FAM107A: variants seen among roughly 807,000 people sequenced by gnomAD.
FAM107A encodes the protein family with sequence similarity 107 member A, also known as actin-associated protein FAM107A.
Under a neutral mutation model 13.7 loss-of-function variants are expected in FAM107A, and 19 were observed. That is an observed-to-expected ratio of 1.38 (90% CI 0.97 to 2.03). The LOEUF is 2.03. FAM107A is among the 30% of genes most tolerant of loss of function. The pLI, the probability that FAM107A is intolerant of heterozygous loss-of-function variation, is 0.00. For missense variants in FAM107A, 203 were observed against 184.4 expected (o/e 1.10, Z -0.58); for synonymous variants, 82 against 74.5 (o/e 1.10, Z -0.52).
intron 1 of FAM107A, chr3:58,574,368 G>C (rs952170920): frequency 6.6e-6 from 1 of 152,180 alleles, no homozygotes; most frequent in Non-Finnish European, 1.5e-5. Context: ...ATTTTTAAAA[G>C]CTCCCTAGGT....
At chr3:58,571,810 C>T (rs1297380433) in intron 1 of FAM107A, among the ~76,000 whole-genome samples, 1 of 152,222 alleles carries the variant, frequency 6.6e-6, no homozygotes, top group Non-Finnish European at 1.5e-5. Flanking sequence ...TCATGCCACA[C>T]TTTAATAACT....
chr3:58,570,325 C>A (rs2063668914), intron 1 of FAM107A: 4 of 937,316 alleles, frequency 4.3e-6, no homozygotes, highest in African/African-American at 1.8e-5. Context: ...GAAAGTATTA[C>A]CCTTATTGTC....
chr3:58,586,924 G>A, exon 1 of FAM107A: 1 of 1,531,052 alleles, frequency 6.5e-7, no homozygotes, highest in Non-Finnish European at 8.7e-7. Flanking sequence ...CACTCGCCCA[G>A]CCTCTGCGCC....
intron 1 of FAM107A, among the ~76,000 whole-genome samples, 178 bp from the exon 2 acceptor site, chr3:58,570,043 A>C (rs1215417784): frequency 1.3e-5 from 2 of 152,176 alleles, no homozygotes; most frequent in African/African-American, 4.8e-5. Flanking sequence ...ATAAAATGGA[A>C]ATCATAACGG....
chr3:58,586,050 G>A (rs2065602355), intron 1 of FAM107A, among the ~76,000 whole-genome samples: 1 of 152,158 alleles, frequency 6.6e-6, no homozygotes, highest in African/African-American at 2.4e-5. Context: ...CACACATATA[G>A]AAAGGCAGTT....
chr3:58,596,204 A>G (rs964916491), intron 1 of FAM107A, among the ~76,000 whole-genome samples: 3 of 152,038 alleles, frequency 2.0e-5, no homozygotes, highest in African/African-American at 4.8e-5. Flanking sequence ...GGCCTCAATG[A>G]TCCTATCCCC....
At chr3:58,570,618 AGAGAGAGAGAGAGAG>A (rs2063673197) in intron 1 of FAM107A, among the ~76,000 whole-genome samples, 2 of 146,410 alleles carry the variant, frequency 1.4e-5, no homozygotes, top group Non-Finnish European at 3.0e-5. Context: ...AGAGAGAGAG[AGAGAGAGAGAGAGAG>A]AGAAAGAGAC....
At chr3:58,625,975 T>G (rs752397779) in intron 1 of FAM107A, among the ~76,000 whole-genome samples, 9 of 152,214 alleles carry the variant, frequency 5.9e-5, no homozygotes, top group Non-Finnish European at 1.3e-4. Flanking sequence ...CACTGAGCAC[T>G]TCACAGGCAT....
At position 58,602,811 on chromosome 3, in the gene FAM107A, G is replaced by A. The variant is rs536509241; in HGVS notation, c.-69-13542C>T. 4.6e-5 allele frequency among the ~76,000 whole-genome samples: 7 copies of A among 152,154 alleles called. No homozygotes were observed. The South Asian group carries it at 1.2e-3, about 27-fold the overall frequency. On this transcript the variant is annotated intron_variant, in intron 1 of 3. Transcript: ENST00000465970. ...ATTACTTATATCAATTAAAGTAATGGCAAAACTACAATGACTTTTCCACCA... is the reference window on the plus strand; with the variant it reads ...ATTACTTATATCAATTAAAGTAATGACAAAACTACAATGACTTTTCCACCA...
At chr3:58,600,441 G>A (rs2065744241) in intron 1 of FAM107A, among the ~76,000 whole-genome samples, 1 of 152,176 alleles carries the variant, frequency 6.6e-6, no homozygotes, top group Non-Finnish European at 1.5e-5. Context: ...CCCTGCAACA[G>A]CCCAGTGTGG....
intron 1 of FAM107A, among the ~76,000 whole-genome samples, chr3:58,593,814 C>T (rs528929605): frequency 5.1e-4 from 78 of 152,278 alleles, no homozygotes; most frequent in African/African-American, 1.4e-3. Context: ...CCTGCACCTC[C>T]GAACCTCCTT....
At chr3:58,571,076 C>G (rs909846630) in intron 1 of FAM107A, among the ~76,000 whole-genome samples, 1 of 152,156 alleles carries the variant, frequency 6.6e-6, no homozygotes, top group Non-Finnish European at 1.5e-5. Flanking sequence ...CATGGATGAA[C>G]AGGGATGTGT....
At chr3:58,622,376 G>A (rs1252391115) in intron 1 of FAM107A, among the ~76,000 whole-genome samples, 1 of 152,200 alleles carries the variant, frequency 6.6e-6, no homozygotes, top group African/African-American at 2.4e-5. Flanking sequence ...GGGAGGTGGG[G>A]GTTGTTGTGA....
intron 1 of FAM107A, among the ~76,000 whole-genome samples, chr3:58,575,476 T>C (rs2063722965): frequency 2.6e-5 from 4 of 151,624 alleles, no homozygotes; most frequent in Admixed American, 2.6e-4. Flanking sequence ...AGTGGTACCC[T>C]GTTTTATAGA....
At chr3:58,626,788 A>G (rs910961860) in intron 1 of FAM107A, among the ~76,000 whole-genome samples, 1 of 152,188 alleles carries the variant, frequency 6.6e-6, no homozygotes, top group African/African-American at 2.4e-5. Context: ...GAGATAGGAC[A>G]CTGGTTCTTC....
chr3:58,587,036 C>T (rs2065614520), exon 1 of FAM107A: 1 of 1,373,152 alleles, frequency 7.3e-7, no homozygotes, highest in Non-Finnish European at 9.4e-7. Flanking sequence ...GGTGACGCGG[C>T]CCCAAGTCCC....
intron 1 of FAM107A, among the ~76,000 whole-genome samples, chr3:58,583,306 G>T (rs979064176): frequency 6.6e-6 from 1 of 152,174 alleles, no homozygotes; most frequent in African/African-American, 2.4e-5. Flanking sequence ...TATCTATGGT[G>T]AGCATGTCTT....
At position 58,564,815 on chromosome 3, in the gene FAM107A, C is replaced by T. The variant is rs920599775; in HGVS notation, c.*1773G>A. ...ACATTAAACAGCGTAAACACATTCT[C>T]AGCACGCCAGTCACATTCAGGAGCC... On this transcript the variant is annotated 3_prime_UTR_variant, in exon 4 of 4. Coordinates refer to ENST00000360997, the MANE Select transcript of FAM107A (RefSeq NM_001076778.3). This position sits in a 1 kb window ranked among gnomAD's most constrained non-coding sequence, Gnocchi z 5.6. 1.1e-3 allele frequency: 173 copies of T among 152,414 alleles called. 7 individuals carry two copies. Among genetic ancestry groups the T allele is most frequent in the Admixed American group, 0.011 (171 of 15,306 alleles). 9.4% of individuals were successfully genotyped at this position (152,414 alleles called of 1,614,324 possible).
At chr3:58,577,821 G>C, upstream of FAM107A, 1 of 661,990 alleles carries the variant, frequency 1.5e-6, no homozygotes, top group Non-Finnish European at 1.9e-6. The surrounding 1 kb of genome is among the most constrained non-coding windows in gnomAD (Gnocchi z 4.9). Flanking sequence ...GGGTGTAAAG[G>C]GAGGGGAAAC....
Sources: allele counts gnomAD v4.1 joint callset (sites outside exome capture counted in the v4.1 genomes callset), GRCh38; gene constraint gnomAD v4.1.1; non-coding constraint Gnocchi (gnomAD v3.1); transcripts MANE v1.5; gene names NCBI Gene and HGNC (gene_info 2026-07-23, HGNC 2026-07-21).